Variants in PCDH15 observed in about 807,000 individuals in gnomAD.
PCDH15 encodes protocadherin related 15.
PCDH15 carries 129 observed loss-of-function variants against 178.5 expected under a neutral mutation model. The observed-to-expected ratio is 0.72, with a 90% CI of 0.63 to 0.84. The LOEUF is 0.84. Among genes scored for constraint, PCDH15 ranks in the 40% least tolerant of loss-of-function variants. The pLI is 0.00. For missense variants in PCDH15, 2,230 were observed against 2,099.9 expected, an observed-to-expected ratio of 1.06 and a Z score of -1.21; for synonymous variants, 800 against 732.0, an observed-to-expected ratio of 1.09 and a Z score of -1.50.
chr10:55,228,581 G>GTTAGAAC (rs1841122748), intron 1 of PCDH15, among the ~76,000 whole-genome samples: 1 of 151,858 alleles, frequency 6.6e-6, no homozygotes, highest in Non-Finnish European at 1.5e-5. Context: ...CTACTTAGAA[G>GTTAGAAC]TTATCAAATA....
In PCDH15 at chr10:55,362,373, G is replaced by A. The variant is rs540220874; in HGVS notation, c.-155-195722C>T. 6.6e-5 allele frequency among the ~76,000 whole-genome samples: 10 copies of A among 152,202 alleles called. No homozygotes were observed. In the East Asian group the frequency reaches 1.9e-3, roughly 29 times the overall value. On this transcript the variant is annotated intron_variant, in intron 2 of 5. Coordinates refer to the PCDH15 transcript ENST00000613346. ...TCTTGGAATACAGTGCTAAGCTCTGGAAAAACAAAGAACAACCTTTCCTCA... is the reference window on the plus strand; with the variant it reads ...TCTTGGAATACAGTGCTAAGCTCTGAAAAAACAAAGAACAACCTTTCCTCA...
At position 54,195,979 on chromosome 10, in the gene PCDH15, C is replaced by T; in HGVS notation, c.1099-90G>A. 7.1e-6 allele frequency: 8 copies of T among 1,123,764 alleles called. 1 individual carries two copies. The South Asian group carries it at 1.1e-4, about 15-fold the overall frequency. The allele number at this position is 1,123,764 out of a possible 1,614,324, so 69.6% of individuals were successfully genotyped here. A position where few individuals can be genotyped will look rare whatever the true frequency, so the allele number is the denominator to read the frequency against. On this transcript the variant is annotated intron_variant, in intron 10 of 37. Transcript: ENST00000644397. ...CTTTTCATGCAATATATAGGGTTCTCTTTTTAACTAATATCATCACATAAG... is the reference window on the plus strand; with the variant it reads ...CTTTTCATGCAATATATAGGGTTCTTTTTTTAACTAATATCATCACATAAG...
rs575953842 is a variant in PCDH15, at chr10:54,784,409, C to T, written c.-29+16516G>A. On this transcript the variant is annotated intron_variant, in intron 1 of 37. Transcript: ENST00000644397. ...TTTACCAGACTAAGAGCAGATTTCG[C>T]GGTAGAAATGTAACAAGCCAGGAAT... is the stretch of plus-strand genomic sequence containing the variant. 1.3e-5 allele frequency among the ~76,000 whole-genome samples: 2 copies of T among 149,360 alleles called. 1 individual carries two copies. The highest frequency in any genetic ancestry group is 3.0e-5 in the Non-Finnish European group (2 of 67,626).
At chr10:54,417,572 G>A (rs1954621590) in intron 3 of PCDH15, among the ~76,000 whole-genome samples, 1 of 152,018 alleles carries the variant, frequency 6.6e-6, no homozygotes, top group Non-Finnish European at 1.5e-5. Flanking sequence ...CATAGCACTA[G>A]CAAAACAGGA....
chr10:55,244,392 C>T (rs1239953802), intron 1 of PCDH15, among the ~76,000 whole-genome samples: 1 of 151,938 alleles, frequency 6.6e-6, no homozygotes, highest in Non-Finnish European at 1.5e-5. Context: ...AACAGTTTCC[C>T]CTCTACTTGA....
chr10:55,426,091 T>C (rs1161640358), intron 2 of PCDH15, among the ~76,000 whole-genome samples: 1 of 152,212 alleles, frequency 6.6e-6, no homozygotes, highest in African/African-American at 2.4e-5. Context: ...GTTTTTAAAG[T>C]AGGTAATCGT....
intron 2 of PCDH15, among the ~76,000 whole-genome samples, chr10:54,948,176 G>A (rs1838238348): frequency 6.6e-6 from 1 of 151,932 alleles, no homozygotes; most frequent in African/African-American, 2.4e-5. Context: ...TGTAGTTCCA[G>A]TTTGAGTCTG....
intron 8 of PCDH15, among the ~76,000 whole-genome samples, chr10:54,239,433 AGAGT>A (rs1441989714): frequency 7.2e-6 from 1 of 138,612 alleles, no homozygotes; most frequent in African/African-American, 3.2e-5. Context: ...ATATATATAT[AGAGT>A]AAGAACTGAA....
intron 2 of PCDH15, among the ~76,000 whole-genome samples, chr10:55,144,523 T>A (rs1218362978): frequency 1.3e-5 from 2 of 152,068 alleles, no homozygotes; most frequent in Non-Finnish European, 2.9e-5. Flanking sequence ...GAAATTGACT[T>A]GGACAAAGAG....
intron 1 of PCDH15, among the ~76,000 whole-genome samples, chr10:55,284,346 C>T (rs1298680060): frequency 6.6e-6 from 1 of 151,952 alleles, no homozygotes; most frequent in African/African-American, 2.4e-5. Flanking sequence ...AGTAAGTTCT[C>T]AACAGGAAAT....
intron 8 of PCDH15, among the ~76,000 whole-genome samples, chr10:54,256,021 G>C (rs2056868975): frequency 1.3e-5 from 2 of 152,122 alleles, no homozygotes; most frequent in Non-Finnish European, 2.9e-5. Flanking sequence ...TGTAAGAAAG[G>C]GGAAGACCTC....
chr10:54,929,855 T>G (rs1042741726), intron 2 of PCDH15, among the ~76,000 whole-genome samples: 1 of 152,194 alleles, frequency 6.6e-6, no homozygotes, highest in Non-Finnish European at 1.5e-5. Context: ...TCAGCTCATT[T>G]GTTTCTAATA....
chr10:55,619,960 T>C (rs1843557882), intron 2 of PCDH15, among the ~76,000 whole-genome samples: 1 of 152,090 alleles, frequency 6.6e-6, no homozygotes, highest in African/African-American at 2.4e-5. Context: ...ACCTATAGTC[T>C]TTCTTTTCCC....
chr10:54,836,100 A>G (rs1381200035), intron 3 of PCDH15, among the ~76,000 whole-genome samples: 3 of 152,192 alleles, frequency 2.0e-5, no homozygotes, highest in Non-Finnish European at 4.4e-5. Flanking sequence ...TGCAGAAATA[A>G]TTATAATAAG....
At chr10:54,919,232 G>A (rs1349487255) in intron 2 of PCDH15, among the ~76,000 whole-genome samples, 1 of 152,006 alleles carries the variant, frequency 6.6e-6, no homozygotes, top group African/African-American at 2.4e-5. Flanking sequence ...TCAGACATGT[G>A]ATATTATTTA....
At chr10:54,880,106 A>G (rs1954234147) in intron 3 of PCDH15, among the ~76,000 whole-genome samples, 1 of 152,164 alleles carries the variant, frequency 6.6e-6, no homozygotes, top group Admixed American at 6.6e-5. Flanking sequence ...CTTATGAAAT[A>G]CCTTGCATAC....
intron 2 of PCDH15, among the ~76,000 whole-genome samples, chr10:54,594,210 G>A (rs980192939): frequency 6.6e-6 from 1 of 152,190 alleles, no homozygotes; most frequent in South Asian, 2.1e-4. Context: ...AAGCTACTTA[G>A]TGAAGTGGTA....
At chr10:54,624,819 T>A (rs1425148953) in intron 2 of PCDH15, among the ~76,000 whole-genome samples, 1 of 152,212 alleles carries the variant, frequency 6.6e-6, no homozygotes, top group Non-Finnish European at 1.5e-5. Context: ...TGCGTGCTCC[T>A]AATGAGAATC....
intron 2 of PCDH15, among the ~76,000 whole-genome samples, chr10:54,977,652 G>A (rs987712811): frequency 1.3e-5 from 2 of 152,160 alleles, no homozygotes; most frequent in African/African-American, 4.8e-5. Flanking sequence ...GGGCTTTTCT[G>A]CCTATGAAAT....
Sources: gnomAD v4.1 joint callset for allele counts (sites outside exome capture counted in the v4.1 genomes callset) on GRCh38, gnomAD v4.1.1 for gene constraint, MANE v1.5 for transcripts, NCBI Gene and HGNC (gene_info 2026-07-23, HGNC 2026-07-21) for gene names.